UBE2E2: variants seen among roughly 807,000 people sequenced by gnomAD.
The protein encoded by UBE2E2 is ubiquitin conjugating enzyme E2 E2, also known as ubiquitin-conjugating enzyme E2 E2.
A neutral mutation model predicts 24.7 loss-of-function variants in UBE2E2; 6 were observed. The observed-to-expected ratio is 0.24, with a 90% CI of 0.13 to 0.48. The LOEUF is 0.48. UBE2E2 is among the 20% of genes least tolerant of loss of function. The pLI, the probability that UBE2E2 is intolerant of heterozygous loss-of-function variation, is 0.99. For missense variants in UBE2E2, 169 were observed against 245.0 expected, an observed-to-expected ratio of 0.69 and a Z score of 2.07; for synonymous variants, 104 against 83.6, an observed-to-expected ratio of 1.24 and a Z score of -1.33.
intron 3 of UBE2E2, among the ~76,000 whole-genome samples, chr3:23,488,200 C>CTTTT (rs11352255): frequency 1.4e-5 from 2 of 140,222 alleles, no homozygotes; most frequent in Non-Finnish European, 1.6e-5. Context: ...GATTACATTT[C>CTTTT]TTTTTTTTTT....
intron 5 of UBE2E2, among the ~76,000 whole-genome samples, chr3:23,569,294 G>C (rs1696167404): frequency 6.6e-6 from 1 of 152,176 alleles, no homozygotes; most frequent in South Asian, 2.1e-4. Context: ...AAAGTAGTTT[G>C]ATTAGTAGAT....
At chr3:23,281,628 A>G (rs1698492524) in intron 3 of UBE2E2, among the ~76,000 whole-genome samples, 1 of 152,188 alleles carries the variant, frequency 6.6e-6, no homozygotes. Flanking sequence ...ACATAGCAAG[A>G]TCCTGTCTGT....
At position 23,589,049 on chromosome 3, in the gene UBE2E2, G is replaced by C. The variant is rs547148923; in HGVS notation, c.509-685G>C. Among the ~76,000 whole-genome samples the C allele has an allele frequency of 6.6e-6, 1 of 151,928 alleles. No homozygotes were observed. The highest frequency in any genetic ancestry group is 3.2e-3 in the Middle Eastern group (1 of 316). ...CCTAGGGTAAGGAGTTGTCCAGACC[G>C]CCAAACGTCTTCCCAGGAGAGCTCA... On this transcript the variant is annotated intron_variant, in intron 5 of 5. Coordinates refer to ENST00000396703, the MANE Select transcript of UBE2E2 (RefSeq NM_152653.4). The surrounding 1 kb of genome is among the most constrained non-coding windows in gnomAD (Gnocchi z 4.1).
intron 5 of UBE2E2, among the ~76,000 whole-genome samples, chr3:23,540,485 A>G (rs1695370151): frequency 6.6e-6 from 1 of 152,104 alleles, no homozygotes. Flanking sequence ...GCTCACTGCA[A>G]CTTCCACTTG....
intron 3 of UBE2E2, among the ~76,000 whole-genome samples, chr3:23,477,133 G>T (rs1337402963): frequency 6.6e-6 from 1 of 151,018 alleles, no homozygotes; most frequent in Non-Finnish European, 1.5e-5. Context: ...AAAATAGAAA[G>T]AAGTCTTACA....
chr3:23,332,399 C>A (rs1031212909), intron 3 of UBE2E2, among the ~76,000 whole-genome samples: 1 of 152,116 alleles, frequency 6.6e-6, no homozygotes, highest in Admixed American at 6.5e-5. Flanking sequence ...CTGCCTCAAC[C>A]CCCACAAGCA....
At chr3:23,261,661 T>C (rs1697904960) in intron 3 of UBE2E2, among the ~76,000 whole-genome samples, 1 of 152,170 alleles carries the variant, frequency 6.6e-6, no homozygotes, top group Non-Finnish European at 1.5e-5. Context: ...ACCATTCTAC[T>C]CTCTGCTTTT....
chr3:23,319,827 A>G (rs1180100204), intron 3 of UBE2E2, among the ~76,000 whole-genome samples: 1 of 151,566 alleles, frequency 6.6e-6, no homozygotes, highest in Non-Finnish European at 1.5e-5. Flanking sequence ...AAAAAAGAAC[A>G]ACAAAAAACA....
chr3:23,255,435 C>G (rs1271517481), intron 3 of UBE2E2, among the ~76,000 whole-genome samples: 1 of 152,012 alleles, frequency 6.6e-6, no homozygotes, highest in Non-Finnish European at 1.5e-5. Context: ...ACATCAGGCA[C>G]TTAAAATAAC....
intron 3 of UBE2E2, among the ~76,000 whole-genome samples, chr3:23,251,103 C>T (rs1697562699): frequency 6.6e-6 from 1 of 152,202 alleles, no homozygotes; most frequent in Admixed American, 6.5e-5. Flanking sequence ...AGTCCTCCCA[C>T]CTCTGTCTCC....
chr3:23,553,990 A>G (rs1403480821), intron 5 of UBE2E2, among the ~76,000 whole-genome samples: 1 of 152,170 alleles, frequency 6.6e-6, no homozygotes, highest in Non-Finnish European at 1.5e-5. Context: ...ATGCAGATCC[A>G]ACACAGTCAC....
intron 5 of UBE2E2, among the ~76,000 whole-genome samples, chr3:23,559,594 G>A (rs1695873795): frequency 6.6e-6 from 1 of 152,186 alleles, no homozygotes; most frequent in Non-Finnish European, 1.5e-5. Flanking sequence ...CCTGCCGTGA[G>A]CAGCTTATCC....
chr3:23,286,464 G>A (rs987663918), intron 3 of UBE2E2, among the ~76,000 whole-genome samples: 8 of 152,068 alleles, frequency 5.3e-5, no homozygotes, highest in Non-Finnish European at 1.2e-4. Context: ...CACTGTAGAT[G>A]TACAATTTGT....
Position 23,203,370 on chromosome 3 carries a change from G to C in UBE2E2, c.-103G>C. ...GGTCCGCAGGGGACATCCCGTCCCT[G>C]GGGCCTCCCCAGTCTCCCTCCCCCT... On this transcript the variant is annotated 5_prime_UTR_variant, in exon 1 of 6. Transcript: ENST00000396703. 3 of 985,796 alleles carry C rather than the reference G, an allele frequency of 3.0e-6. No individual in the cohort carries two copies. The highest frequency in any genetic ancestry group is 3.6e-6 in the Non-Finnish European group (3 of 830,308). The allele number at this position is 985,796 out of a possible 1,614,324, so 61.1% of individuals were successfully genotyped here. A position where few individuals can be genotyped will look rare whatever the true frequency, so the allele number is the denominator to read the frequency against.
chr3:23,286,139 T>G (rs1698609780), intron 3 of UBE2E2, among the ~76,000 whole-genome samples: 1 of 152,368 alleles, frequency 6.6e-6, no homozygotes, highest in East Asian at 1.9e-4. Context: ...TCTTCATTTG[T>G]TGACTGTTTC....
chr3:23,478,649 C>T (rs1281331126), intron 3 of UBE2E2, among the ~76,000 whole-genome samples: 2 of 152,138 alleles, frequency 1.3e-5, no homozygotes, highest in East Asian at 3.9e-4. Context: ...GTAGCAAATT[C>T]AAATCTAGTC....
At chr3:23,481,752 A>G (rs1699265130) in intron 3 of UBE2E2, among the ~76,000 whole-genome samples, 1 of 152,224 alleles carries the variant, frequency 6.6e-6, no homozygotes, top group Admixed American at 6.5e-5. Context: ...AGTGTAAGTT[A>G]TTTCCATTAT....
At chr3:23,453,527 T>C (rs1399548165) in intron 3 of UBE2E2, among the ~76,000 whole-genome samples, 1 of 152,204 alleles carries the variant, frequency 6.6e-6, no homozygotes, top group Non-Finnish European at 1.5e-5. Context: ...ATTTCACTTC[T>C]CATTTAAAAA....
intron 3 of UBE2E2, among the ~76,000 whole-genome samples, chr3:23,290,889 T>TAAAAA (rs71051209): frequency 1.2e-5 from 1 of 86,764 alleles, no homozygotes; most frequent in Non-Finnish European, 2.2e-5. Flanking sequence ...ACTGTGTGTC[T>TAAAAA]AAAAAAAAAA....
Sources: allele counts gnomAD v4.1 joint callset (sites outside exome capture counted in the v4.1 genomes callset), GRCh38; gene constraint gnomAD v4.1.1; non-coding constraint Gnocchi (gnomAD v3.1); transcripts MANE v1.5; gene names NCBI Gene and HGNC (gene_info 2026-07-23, HGNC 2026-07-21).